GLT1D1: variants seen among roughly 807,000 people sequenced by gnomAD.
GLT1D1 encodes glycosyltransferase 1 domain containing 1.
GLT1D1 carries 21 observed loss-of-function variants against 28.7 expected under a neutral mutation model. The observed-to-expected ratio is 0.73, with a 90% CI of 0.52 to 1.05. GLT1D1 has a LOEUF of 1.05. Ranked by LOEUF, GLT1D1 falls within the 50% of genes least tolerant of loss-of-function variation. The pLI, the probability that GLT1D1 is intolerant of heterozygous loss-of-function variation, is 0.00. For synonymous variants in GLT1D1, 147 were observed against 124.8 expected, an observed-to-expected ratio of 1.18 and a Z score of -1.19; for missense variants, 343 against 330.6, an observed-to-expected ratio of 1.04 and a Z score of -0.29.
intron 1 of GLT1D1, among the ~76,000 whole-genome samples, chr12:128,862,447 G>A (rs193111581): frequency 1.3e-5 from 2 of 151,978 alleles, no homozygotes; most frequent in Admixed American, 6.6e-5. Context: ...CTTGAGTTCC[G>A]AAGTTTGAGA....
intron 4 of GLT1D1, among the ~76,000 whole-genome samples, chr12:128,941,819 TC>T (rs1304293500): frequency 6.7e-6 from 1 of 149,212 alleles, no homozygotes; most frequent in Non-Finnish European, 1.5e-5. Context: ...GATCACATGA[TC>T]CCCCCTCCTC....
At chr12:128,888,612 T>C in intron 2 of GLT1D1, 27 bp from the exon 3 acceptor site, 1 of 1,502,508 alleles carries the variant, frequency 6.7e-7, no homozygotes, top group Non-Finnish European at 9.2e-7. Flanking sequence ...GGCTAAATTC[T>C]GCTTTGTGAC....
chr12:128,891,209 C>A (rs952149377), intron 3 of GLT1D1, among the ~76,000 whole-genome samples: 1 of 151,074 alleles, frequency 6.6e-6, no homozygotes, highest in South Asian at 2.1e-4. Flanking sequence ...TGAAAAAAAG[C>A]GGAAATTAAA....
chr12:128,921,507 G>C (rs1284627112), intron 4 of GLT1D1, among the ~76,000 whole-genome samples: 1 of 151,576 alleles, frequency 6.6e-6, no homozygotes, highest in Non-Finnish European at 1.5e-5. Context: ...GTCTATGTAT[G>C]TGTATGTGTG....
intron 7 of GLT1D1, among the ~76,000 whole-genome samples, chr12:128,980,900 G>C (rs1880256191): frequency 6.6e-6 from 1 of 152,200 alleles, no homozygotes; most frequent in Non-Finnish European, 1.5e-5. Context: ...TGTGCATACA[G>C]GGATAGAGGG....
chr12:128,927,999 CAAAAAAAAAAAAAAAA>C (rs938188484), intron 4 of GLT1D1, among the ~76,000 whole-genome samples: 2 of 42,262 alleles, frequency 4.7e-5, no homozygotes, highest in Admixed American at 8.7e-4. Context: ...GACTCTGTCT[CAAAAAAAAAAAAAAAA>C]AAAAAAAAAA....
At chr12:128,883,589 CA>C (rs202021879) in intron 2 of GLT1D1, among the ~76,000 whole-genome samples, 828 of 77,992 alleles carry the variant, frequency 0.011, 2 homozygotes, top group Middle Eastern at 0.019. Context: ...GACTCCATCT[CA>C]AAAAAAAAAA....
intron 1 of GLT1D1, among the ~76,000 whole-genome samples, chr12:128,865,813 C>T (rs891119576): frequency 6.6e-6 from 1 of 152,014 alleles, no homozygotes; most frequent in African/African-American, 2.4e-5. Flanking sequence ...CAGGGCGAGA[C>T]TCTGCCACGA....
intron 4 of GLT1D1, among the ~76,000 whole-genome samples, chr12:128,931,617 C>T (rs1873900943): frequency 6.6e-6 from 1 of 152,084 alleles, no homozygotes; most frequent in South Asian, 2.1e-4. Flanking sequence ...CCCCCTTTTA[C>T]TACTTCTCTA....
intron 5 of GLT1D1, among the ~76,000 whole-genome samples, chr12:128,945,837 G>A (rs1004222286): frequency 2.6e-5 from 4 of 152,214 alleles, no homozygotes. Flanking sequence ...TTTGGCTCCT[G>A]TCTCTGTCCT....
At chr12:128,941,764 G>C (rs1875284473) in intron 4 of GLT1D1, among the ~76,000 whole-genome samples, 2 of 151,416 alleles carry the variant, frequency 1.3e-5, no homozygotes, top group Admixed American at 1.3e-4. Context: ...TTTTAGTAGA[G>C]ACAGGCTTTC....
At chr12:128,958,704 C>T (rs1380331517) in intron 7 of GLT1D1, among the ~76,000 whole-genome samples, 1 of 116,098 alleles carries the variant, frequency 8.6e-6, no homozygotes, top group East Asian at 2.8e-4. Flanking sequence ...GAACCAAGAT[C>T]ACGCCACTGC....
chr12:128,877,221 T>C (rs1276637990), intron 2 of GLT1D1, among the ~76,000 whole-genome samples: 1 of 152,210 alleles, frequency 6.6e-6, no homozygotes, highest in Non-Finnish European at 1.5e-5. Context: ...GCCTGAGTGA[T>C]TTCCTCAAAC....
chr12:128,952,988 G>A (rs557420048), intron 6 of GLT1D1, among the ~76,000 whole-genome samples: 1 of 151,862 alleles, frequency 6.6e-6, no homozygotes, highest in Non-Finnish European at 1.5e-5. Context: ...CACCATGTTG[G>A]CCTAGCTGGT....
chr12:128,870,859 C>T (rs1315580455), intron 1 of GLT1D1, among the ~76,000 whole-genome samples: 2 of 152,078 alleles, frequency 1.3e-5, no homozygotes, highest in African/African-American at 4.8e-5. Flanking sequence ...TGTGTGGTGG[C>T]ACGTGCCTGT....
intron 7 of GLT1D1, among the ~76,000 whole-genome samples, chr12:128,965,731 A>G (rs974436224): frequency 7.6e-5 from 11 of 144,618 alleles, no homozygotes; most frequent in Non-Finnish European, 1.2e-4. Flanking sequence ...AAAAAAAAAA[A>G]AAAAGAAAAA....
rs78130535 is a variant in GLT1D1 at position 128,947,525 on chromosome 12, C to T, written c.540+67C>T. The T allele has an allele frequency of 1.6e-3, 2,530 of 1,554,036 alleles. 23 individuals are homozygous for T. In the African/African-American group the frequency reaches 0.029, roughly 18 times the overall value. ...TGTCCATCACTCCTTCTCCTATTTACGGAGGTGACGTCTTTGTCAATAACA... is the reference window on the plus strand; with the variant it reads ...TGTCCATCACTCCTTCTCCTATTTATGGAGGTGACGTCTTTGTCAATAACA... On this transcript the variant is annotated intron_variant, in intron 6 of 7. Transcript: ENST00000281703.
In GLT1D1 at chr12:128,947,374, A is replaced by G; in HGVS notation, c.456A>G (p.Gln152=). 6.2e-7 allele frequency: 1 copy of G among 1,614,088 alleles called. No individual in the cohort carries two copies. The highest frequency in any genetic ancestry group is 1.3e-5 in the African/African-American group (1 of 75,034). ...TACGATTGATTGGAGAGATGCCTCAAGAAGATCTGCACGCGGTGGTGAAGA... is the reference window on the plus strand; with the variant it reads ...TACGATTGATTGGAGAGATGCCTCAGGAAGATCTGCACGCGGTGGTGAAGA... The change falls in exon 6 of 8, where the codon CAA becomes CAG. Residue 152 remains glutamine (Q), a synonymous_variant. Transcript: ENST00000281703.
At chr12:128,932,711 G>C (rs1874060425) in intron 4 of GLT1D1, among the ~76,000 whole-genome samples, 1 of 152,108 alleles carries the variant, frequency 6.6e-6, no homozygotes. Context: ...ACATCCAATC[G>C]CGGTTTGCAG....
Sources: gnomAD v4.1 joint callset for allele counts (sites outside exome capture counted in the v4.1 genomes callset) on GRCh38, gnomAD v4.1.1 for gene constraint, MANE v1.5 for transcripts, NCBI Gene and HGNC (gene_info 2026-07-23, HGNC 2026-07-21) for gene names.